Variants in NRXN3 observed in about 807,000 individuals in gnomAD.
NRXN3 encodes the protein neurexin III.
NRXN3 carries 32 observed loss-of-function variants against 137.6 expected under a neutral mutation model. That is an observed-to-expected ratio of 0.23 (90% CI 0.18 to 0.31). The LOEUF is 0.31. NRXN3 is among the 10% of genes least tolerant of loss of function. The pLI is 1.00. For missense variants in NRXN3, 1,574 were observed against 2,062.5 expected, an observed-to-expected ratio of 0.76 and a Z score of 4.59; for synonymous variants, 798 against 784.5, an observed-to-expected ratio of 1.02 and a Z score of -0.29.
chr14:78,489,203 C>T (rs1293643564), intron 4 of NRXN3, among the ~76,000 whole-genome samples: 1 of 152,150 alleles, frequency 6.6e-6, no homozygotes, highest in Non-Finnish European at 1.5e-5. Flanking sequence ...TTTGTGTGTG[C>T]CATTGGAAAT....
intron 4 of NRXN3, among the ~76,000 whole-genome samples, chr14:78,410,790 G>T (rs556205200): frequency 9.2e-5 from 14 of 152,188 alleles, no homozygotes; most frequent in African/African-American, 3.4e-4. Context: ...TTAAAACTCC[G>T]CAGGAGGGAT....
At position 78,170,436 on chromosome 14, in the gene NRXN3, G is replaced by C. The variant is rs1020697416; in HGVS notation, c.-942G>C. 6.6e-6 allele frequency: 1 copy of C among 152,224 alleles called. No individual in the cohort carries two copies. The highest frequency in any genetic ancestry group is 1.5e-5 in the Non-Finnish European group (1 of 68,100). 9.4% of individuals were successfully genotyped at this position (152,224 alleles called of 1,614,324 possible). ...TGCATGCAACTCACAGAGAGGGAGA[G>C]GCAACCTGTCCTCCCCTCTCTCAGC... On this transcript the variant is annotated 5_prime_UTR_variant, in exon 1 of 21. Coordinates refer to ENST00000335750, the MANE Select transcript of NRXN3 (RefSeq NM_001330195.2).
intron 15 of NRXN3, chr14:79,201,618 A>T (rs1050277448): frequency 6.6e-6 from 1 of 152,180 alleles, no homozygotes; most frequent in Non-Finnish European, 1.5e-5. Context: ...CTTAATAAAG[A>T]TGATTGAAAG....
At chr14:79,646,410 G>A (rs1466227017) in intron 16 of NRXN3, among the ~76,000 whole-genome samples, 1 of 135,606 alleles carries the variant, frequency 7.4e-6, no homozygotes, top group African/African-American at 2.5e-5. Context: ...TTATTGACAA[G>A]TCATATTTAA....
intron 4 of NRXN3, among the ~76,000 whole-genome samples, chr14:78,572,628 A>G (rs2096900402): frequency 6.6e-6 from 1 of 152,214 alleles, no homozygotes; most frequent in Admixed American, 6.5e-5. Context: ...CATATAATAC[A>G]CTAACACTGA....
chr14:79,542,515 A>G (rs76418428), intron 16 of NRXN3, among the ~76,000 whole-genome samples: 6,155 of 152,278 alleles, frequency 0.04, 168 homozygotes, highest in Middle Eastern at 0.088. Context: ...AGCTAACTGC[A>G]AAGTTCCTTG....
chr14:79,692,098 A>C, intron 17 of NRXN3, 75 bp from the exon 18 acceptor site: 1 of 1,189,924 alleles, frequency 8.4e-7, no homozygotes, highest in Non-Finnish European at 1.2e-6. Context: ...AAAACAAACC[A>C]AAAAACCTAG....
At chr14:78,644,673 A>G (rs1437796987) in intron 4 of NRXN3, among the ~76,000 whole-genome samples, 1 of 152,120 alleles carries the variant, frequency 6.6e-6, no homozygotes. Context: ...GGGGTAATTT[A>G]TTTTTAGTTA....
At chr14:78,345,614 T>A (rs932887849) in intron 4 of NRXN3, among the ~76,000 whole-genome samples, 3 of 152,088 alleles carry the variant, frequency 2.0e-5, no homozygotes, top group African/African-American at 7.2e-5. Flanking sequence ...CTCTCTCTCC[T>A]CCCCTCTCTT....
chr14:79,533,059 C>A (rs2097183162), intron 16 of NRXN3, among the ~76,000 whole-genome samples: 1 of 136,584 alleles, frequency 7.3e-6, no homozygotes, highest in African/African-American at 2.8e-5. Flanking sequence ...TATTTACCTG[C>A]ATCACAAAAA....
At chr14:79,731,322 G>A (rs1352367407) in intron 19 of NRXN3, among the ~76,000 whole-genome samples, 1 of 152,100 alleles carries the variant, frequency 6.6e-6, no homozygotes, top group African/African-American at 2.4e-5. Context: ...CCTTTATTTT[G>A]AGCTGTGATT....
chr14:79,145,571 C>T (rs532853633), intron 15 of NRXN3, among the ~76,000 whole-genome samples: 5 of 152,188 alleles, frequency 3.3e-5, no homozygotes, highest in South Asian at 2.1e-4. Context: ...GTTTTTATAC[C>T]AGCCTCAAAT....
rs1219363164 is a variant in NRXN3 at position 79,002,321 on chromosome 14, A to G, written c.3262+14180A>G. On this transcript the variant is annotated intron_variant, in intron 15 of 20. Coordinates refer to ENST00000335750, the MANE Select transcript of NRXN3 (RefSeq NM_001330195.2). ...TGCACTATCAGCCTATCACCTAGGT[A>G]TTAAGCCCAGCATCCATTAGGTATT... is the stretch of plus-strand genomic sequence containing the variant. Among the ~76,000 whole-genome samples the G allele has an allele frequency of 1.4e-4, 21 of 152,102 alleles. 1 individual carries two copies. The highest frequency in any genetic ancestry group is 1.4e-3 in the Admixed American group (21 of 15,256).
At chr14:79,041,718 A>G (rs530116841) in intron 15 of NRXN3, among the ~76,000 whole-genome samples, 243 of 152,334 alleles carry the variant, frequency 1.6e-3, no homozygotes, top group Non-Finnish European at 1.8e-3. Context: ...GAAGTATTAT[A>G]TCATAATGGA....
At chr14:79,063,707 C>T (rs1331295149) in intron 15 of NRXN3, among the ~76,000 whole-genome samples, 5 of 151,996 alleles carry the variant, frequency 3.3e-5, no homozygotes, top group African/African-American at 4.8e-5. Context: ...TAATACAAGC[C>T]GAGGAAAGAG....
At position 79,266,087 on chromosome 14, in the gene NRXN3, G is replaced by A. The variant is rs74067942; in HGVS notation, c.3263-201134G>A. Reference sequence around the variant, plus strand: ...ATTATAAAAATTAAAATTTTTAAAAGGCACCTGGGAATCTATAGGAGAGAG... The same window carrying A: ...ATTATAAAAATTAAAATTTTTAAAAAGCACCTGGGAATCTATAGGAGAGAG... On this transcript the variant is annotated intron_variant, in intron 15 of 20. Coordinates refer to ENST00000335750, the MANE Select transcript of NRXN3 (RefSeq NM_001330195.2). Among the ~76,000 whole-genome samples, 443 of 152,192 alleles carry A rather than the reference G, an allele frequency of 2.9e-3. 5 individuals carry two copies. The highest frequency in any genetic ancestry group is 0.01 in the African/African-American group (421 of 41,536).
At chr14:79,226,620 T>G (rs1267689997) in intron 15 of NRXN3, among the ~76,000 whole-genome samples, 2 of 152,164 alleles carry the variant, frequency 1.3e-5, no homozygotes, top group Non-Finnish European at 2.9e-5. Flanking sequence ...CCTTCTATTT[T>G]CATGCCCCTT....
intron 19 of NRXN3, among the ~76,000 whole-genome samples, chr14:79,698,513 T>C (rs1053519452): frequency 2.0e-5 from 3 of 152,062 alleles, no homozygotes; most frequent in African/African-American, 7.2e-5. Context: ...TTATATTTGA[T>C]CAAGATACTA....
At chr14:78,673,487 T>C (rs569758587) in intron 6 of NRXN3, among the ~76,000 whole-genome samples, 47 of 152,302 alleles carry the variant, frequency 3.1e-4, no homozygotes, top group African/African-American at 1.1e-3. Context: ...CCAAAACACA[T>C]GTCAAGTTTG....
Sources: allele counts gnomAD v4.1 joint callset (sites outside exome capture counted in the v4.1 genomes callset), GRCh38; gene constraint gnomAD v4.1.1; transcripts MANE v1.5; gene names NCBI Gene and HGNC (gene_info 2026-07-23, HGNC 2026-07-21).